The following JAKMIP1 variants were observed in gnomAD, a reference collection of about 807,000 sequenced individuals.
JAKMIP1 encodes the protein janus kinase and microtubule interacting protein 1.
JAKMIP1 carries 33 observed loss-of-function variants against 113.0 expected under a neutral mutation model. The observed-to-expected ratio is 0.29, with a 90% CI of 0.22 to 0.39. JAKMIP1 has a LOEUF of 0.39. Ranked by LOEUF, JAKMIP1 falls within the 10% of genes least tolerant of loss-of-function variation. JAKMIP1 has a pLI of 1.00. For missense variants in JAKMIP1, 813 were observed against 1,080.5 expected (o/e 0.75, Z 3.47); for synonymous variants, 480 against 459.9 (o/e 1.04, Z -0.56).
At chr4:6,172,021 G>A (rs938625199) in intron 1 of JAKMIP1, among the ~76,000 whole-genome samples, 2 of 152,152 alleles carry the variant, frequency 1.3e-5, no homozygotes, top group African/African-American at 2.4e-5. Flanking sequence ...GCTCCCCCAC[G>A]TGATACCTGA....
rs889311238 is a variant in JAKMIP1, at chr4:6,061,648, C to T, written c.1560+664G>A. 2.7e-5 allele frequency among the ~76,000 whole-genome samples: 4 copies of T among 149,012 alleles called. No homozygotes were observed. The highest frequency in any genetic ancestry group is 4.4e-5 in the Non-Finnish European group (3 of 67,776). ...GAGCCTGTTTCCTCATTCGGAAGAT[C>T]GGGTTAATTCCTCCTGCTTCAGGGG... On this transcript the variant is annotated intron_variant, in intron 10 of 20. Coordinates refer to ENST00000409021, the MANE Select transcript of JAKMIP1 (RefSeq NM_001099433.2). This position sits in a 1 kb window ranked among gnomAD's most constrained non-coding sequence, Gnocchi z 5.3.
intron 1 of JAKMIP1, among the ~76,000 whole-genome samples, chr4:6,196,635 C>T (rs557348802): frequency 6.6e-6 from 1 of 152,224 alleles, no homozygotes; most frequent in African/African-American, 2.4e-5. Context: ...GGGCAAATCA[C>T]CTGAGGTGAG....
At position 6,077,680 on chromosome 4, in the gene JAKMIP1, T is replaced by C. The variant is rs1719882254; in HGVS notation, c.1302+1259A>G. On this transcript the variant is annotated intron_variant, in intron 8 of 20. Coordinates refer to ENST00000409021, the MANE Select transcript of JAKMIP1 (RefSeq NM_001099433.2). Reference sequence around the variant, plus strand: ...TTAATTTTTTGTAGAGACAGGGTCTTGCTATGTTGCCCAGGCTGATCTCAA... The same window carrying C: ...TTAATTTTTTGTAGAGACAGGGTCTCGCTATGTTGCCCAGGCTGATCTCAA... 2.6e-5 allele frequency among the ~76,000 whole-genome samples: 4 copies of C among 151,866 alleles called. No homozygotes were observed. The South Asian group carries it at 8.4e-4, about 32-fold the overall frequency.
chr4:6,065,243 G>T lies in JAKMIP1; in HGVS notation c.1303-235C>A, dbSNP rs1306564535. ...GCGAGCTAGTCTGGCCCTGGTCCTG[G>T]CTCTGGCTCTCCAGCTGTAGACCTG... On this transcript the variant is annotated intron_variant, in intron 8 of 20. Transcript: ENST00000409021. This position sits in a 1 kb window ranked among gnomAD's most constrained non-coding sequence, Gnocchi z 5.1. 3.3e-5 allele frequency among the ~76,000 whole-genome samples: 5 copies of T among 152,200 alleles called. No homozygotes were observed. The highest frequency in any genetic ancestry group is 7.3e-5 in the Non-Finnish European group (5 of 68,036).
chr4:6,090,211 G>C (rs1439979267), intron 3 of JAKMIP1, among the ~76,000 whole-genome samples: 2 of 149,530 alleles, frequency 1.3e-5, no homozygotes, highest in Non-Finnish European at 2.9e-5. Flanking sequence ...GACAGAGTGA[G>C]AGTCCATTTC....
rs936207957 is a variant in JAKMIP1, at chr4:6,192,380, C to A, written c.-148+7873G>T. 3.0e-4 allele frequency among the ~76,000 whole-genome samples: 46 copies of A among 152,168 alleles called. No homozygotes were observed. The highest frequency in any genetic ancestry group is 4.3e-4 in the Non-Finnish European group (29 of 68,038). On this transcript the variant is annotated intron_variant, in intron 1 of 20. Transcript: ENST00000409021. This position sits in a 1 kb window ranked among gnomAD's most constrained non-coding sequence, Gnocchi z 5.0. Reference sequence around the variant, plus strand: ...GCCTCAGGACAAGTGTATGAGTCACCTGGCATTAGGAAACTCATTCACAAT... The same window carrying A: ...GCCTCAGGACAAGTGTATGAGTCACATGGCATTAGGAAACTCATTCACAAT...
At chr4:6,146,016 G>A (rs7670765) in intron 1 of JAKMIP1, among the ~76,000 whole-genome samples, 15 of 152,202 alleles carry the variant, frequency 9.9e-5, no homozygotes, top group Admixed American at 9.2e-4. Context: ...CCCATAGCAC[G>A]TTGCAAGTGT....
Position 6,138,534 on chromosome 4 carries a change from G to A in JAKMIP1, c.-147-25537C>T, listed in dbSNP as rs561552067. On this transcript the variant is annotated intron_variant, in intron 1 of 20. Coordinates refer to ENST00000409021, the MANE Select transcript of JAKMIP1 (RefSeq NM_001099433.2). This position sits in a 1 kb window ranked among gnomAD's most constrained non-coding sequence, Gnocchi z 6.0. The stretch of plus-strand genomic sequence containing the variant: ...TTACAGGCGTGAGCCACTGCACCTG[G>A]CCTAGAATCCAAGTTAAAATTAAAG... Among the ~76,000 whole-genome samples, 1 of 152,102 alleles carries A rather than the reference G, an allele frequency of 6.6e-6. No homozygotes were observed. Among genetic ancestry groups the A allele is most frequent in the African/African-American group, 2.4e-5 (1 of 41,386 alleles).
chr4:6,090,476 T>G lies in JAKMIP1; in HGVS notation c.625-4847A>C, dbSNP rs187723181. On this transcript the variant is annotated intron_variant, in intron 3 of 20. Coordinates refer to ENST00000409021, the MANE Select transcript of JAKMIP1 (RefSeq NM_001099433.2). ...AAAATAAATGTCATTGTTGTAAGCCTCCAAGTTTGTGGTAATTTGTTACAG... is the reference window on the plus strand; with the variant it reads ...AAAATAAATGTCATTGTTGTAAGCCGCCAAGTTTGTGGTAATTTGTTACAG... Among the ~76,000 whole-genome samples, 546 of 152,276 alleles carry G rather than the reference T, an allele frequency of 3.6e-3. 1 individual carries two copies. The highest frequency in any genetic ancestry group is 4.4e-3 in the Non-Finnish European group (300 of 68,022).
chr4:6,133,417 A>C (rs1162184266), intron 1 of JAKMIP1, among the ~76,000 whole-genome samples: 2 of 152,272 alleles, frequency 1.3e-5, no homozygotes, highest in Non-Finnish European at 2.9e-5. Flanking sequence ...GAAGGAGAGC[A>C]ATAGAGAGAC....
At chr4:6,120,975 G>A (rs748602008) in intron 1 of JAKMIP1, among the ~76,000 whole-genome samples, 10 of 152,192 alleles carry the variant, frequency 6.6e-5, no homozygotes, top group East Asian at 1.9e-4. Flanking sequence ...CGAGGCAAGC[G>A]GATCACCTGA....
intron 1 of JAKMIP1, among the ~76,000 whole-genome samples, chr4:6,195,316 G>A (rs571677382): frequency 6.6e-6 from 1 of 152,384 alleles, no homozygotes; most frequent in African/African-American, 2.4e-5. Flanking sequence ...GAGAGTTCTA[G>A]AGGTGGATGG....
In JAKMIP1 at chr4:6,051,887, C is replaced by G. The variant is rs1049518186; in HGVS notation, c.1807-1208G>C. 6.6e-6 allele frequency among the ~76,000 whole-genome samples: 1 copy of G among 152,158 alleles called. No individual in the cohort carries two copies. The highest frequency in any genetic ancestry group is 1.5e-5 in the Non-Finnish European group (1 of 68,028). On this transcript the variant is annotated intron_variant, in intron 13 of 20. Transcript: ENST00000409021. The surrounding 1 kb of genome is among the most constrained non-coding windows in gnomAD (Gnocchi z 5.0). ...TGTCATGGTGGGGCAGCAGAGAAGA[C>G]CTTTTCAAATTACACCTTTAAATCA...
chr4:6,138,651 C>T lies in JAKMIP1; in HGVS notation c.-147-25654G>A, dbSNP rs975611543. 3.3e-5 allele frequency among the ~76,000 whole-genome samples: 5 copies of T among 152,148 alleles called. No homozygotes were observed. The highest frequency in any genetic ancestry group is 6.5e-5 in the Admixed American group (1 of 15,286). ...GACAGACCCTCCACACACCTACATC[C>T]ACTGGCAGAACTTCACGTTCTAGAA... On this transcript the variant is annotated intron_variant, in intron 1 of 20. Coordinates refer to ENST00000409021, the MANE Select transcript of JAKMIP1 (RefSeq NM_001099433.2). The surrounding 1 kb of genome is among the most constrained non-coding windows in gnomAD (Gnocchi z 6.0).
At chr4:6,032,578 A>G (rs972370526) in intron 19 of JAKMIP1, among the ~76,000 whole-genome samples, 3 of 152,212 alleles carry the variant, frequency 2.0e-5, no homozygotes, top group Non-Finnish European at 4.4e-5. Flanking sequence ...TCTGTGGGTC[A>G]GCCCCAGTCT....
rs1227329153 is a variant in JAKMIP1, at chr4:6,140,529, G to T, written c.-147-27532C>A. On this transcript the variant is annotated intron_variant, in intron 1 of 20. Transcript: ENST00000409021. This position sits in a 1 kb window ranked among gnomAD's most constrained non-coding sequence, Gnocchi z 9.4. ...GGCCCCTTCCAATAATGTGGCTCGG[G>T]TCTTTCTGCAGGGTCAGAGGGAAGT... Among the ~76,000 whole-genome samples, 1 of 152,100 alleles carries T rather than the reference G, an allele frequency of 6.6e-6. No homozygotes were observed. Among genetic ancestry groups the T allele is most frequent in the Non-Finnish European group, 1.5e-5 (1 of 68,028 alleles).
At chr4:6,095,373 AAAGG>A (rs937361004) in intron 3 of JAKMIP1, among the ~76,000 whole-genome samples, 7 of 151,972 alleles carry the variant, frequency 4.6e-5, no homozygotes, top group African/African-American at 1.5e-4. Context: ...AAGAAAGAAG[AAAGG>A]AAGGAAGGAA....
At position 6,116,566 on chromosome 4, in the gene JAKMIP1, C is replaced by T. The variant is rs1205598542; in HGVS notation, c.-147-3569G>A. Among the ~76,000 whole-genome samples the T allele has an allele frequency of 3.9e-5, 6 of 152,156 alleles. No individual in the cohort carries two copies. Among genetic ancestry groups the T allele is most frequent in the South Asian group, 2.1e-4 (1 of 4,826 alleles). On this transcript the variant is annotated intron_variant, in intron 1 of 20. Coordinates refer to ENST00000409021, the MANE Select transcript of JAKMIP1 (RefSeq NM_001099433.2). The surrounding 1 kb of genome is among the most constrained non-coding windows in gnomAD (Gnocchi z 5.1). ...CCAAGGTTGGCAAATATTCATCTCC[C>T]GCAAACCAGTCCTGTTGGCCCCAGA...
intron 2 of JAKMIP1, among the ~76,000 whole-genome samples, chr4:6,110,404 G>T (rs550397402): frequency 1.6e-4 from 25 of 151,672 alleles, no homozygotes; most frequent in African/African-American, 5.3e-4. Flanking sequence ...GACAGCAATC[G>T]TCTGTTGCGT....
Sources: gnomAD v4.1 joint callset for allele counts (sites outside exome capture counted in the v4.1 genomes callset) on GRCh38, gnomAD v4.1.1 for gene constraint, Gnocchi (gnomAD v3.1) non-coding constraint, MANE v1.5 for transcripts, NCBI Gene and HGNC (gene_info 2026-07-23, HGNC 2026-07-21) for gene names.